HEATR5A: variants seen among roughly 807,000 people sequenced by gnomAD.
The protein encoded by HEATR5A is HEAT repeat-containing protein 5A.
HEATR5A carries 178 observed loss-of-function variants against 218.8 expected under a neutral mutation model. The ratio of observed to expected loss-of-function variants is 0.81; its 90% confidence interval spans 0.72 to 0.92. The LOEUF (loss-of-function observed/expected upper bound fraction) is 0.92, where lower values mean the gene tolerates loss of function less well. Ranked by LOEUF, HEATR5A falls within the 40% of genes least tolerant of loss-of-function variation. The pLI, the probability that HEATR5A is intolerant of heterozygous loss-of-function variation, is 0.00. For missense variants in HEATR5A, 2,420 were observed against 2,418.9 expected, an observed-to-expected ratio of 1.00 and a Z score of -0.01; for synonymous variants, 864 against 871.6, an observed-to-expected ratio of 0.99 and a Z score of 0.15.
chr14:31,414,213 T>TC (rs1296242398), intron 1 of HEATR5A, among the ~76,000 whole-genome samples: 1 of 152,154 alleles, frequency 6.6e-6, no homozygotes, highest in African/African-American at 2.4e-5. Flanking sequence ...TTCTTGTATC[T>TC]CCCACCACAC....
Position 31,308,956 on chromosome 14 carries a change from A to G in HEATR5A, c.4668T>C (p.Thr1556=). ...ATIKSPEDVY[T]DRFHLILGIS... Reference sequence around the variant, plus strand: ...GACCTAAAATAAGATGGAATCTATCAGTGTAGACATCCTCAGGGGACTTTA... The same window carrying G: ...GACCTAAAATAAGATGGAATCTATCGGTGTAGACATCCTCAGGGGACTTTA... Residue 1556 remains threonine (T), a synonymous_variant, in exon 29 of 36, where the codon ACT becomes ACC. Coordinates refer to ENST00000543095, the MANE Select transcript of HEATR5A (RefSeq NM_015473.4). 6.2e-7 allele frequency: 1 copy of G among 1,613,598 alleles called. No individual in the cohort carries two copies. The highest frequency in any genetic ancestry group is 8.5e-7 in the Non-Finnish European group (1 of 1,179,626).
At position 31,386,432 on chromosome 14, in the gene HEATR5A, C is replaced by G; in HGVS notation, c.1333G>C (p.Asp445His). The change falls in exon 9 of 36, where the codon GAT becomes CAT. Residue 445 changes from aspartate (D) to histidine (H), a missense_variant. Coordinates refer to ENST00000543095, the MANE Select transcript of HEATR5A (RefSeq NM_015473.4). The stretch of plus-strand genomic sequence containing the variant: ...CAAACAGATATACCTGTACTTGAAT[C>G]CTGTAGCAAAGGTGCCGCTGTGGTG... ...LGTTAAPLLQ[D>H]SSTGLLDSIL... 6.2e-7 allele frequency: 1 copy of G among 1,613,546 alleles called. No individual in the cohort carries two copies. Among genetic ancestry groups the G allele is most frequent in the Non-Finnish European group, 8.5e-7 (1 of 1,179,672 alleles).
intron 1 of HEATR5A, among the ~76,000 whole-genome samples, chr14:31,411,140 T>A (rs1183950337): frequency 6.6e-6 from 1 of 152,070 alleles, no homozygotes; most frequent in Non-Finnish European, 1.5e-5. Flanking sequence ...ATGGTTCAAC[T>A]CTTTTAGAAA....
chr14:31,318,542 G>A (rs1041840334), intron 25 of HEATR5A, among the ~76,000 whole-genome samples: 1 of 152,142 alleles, frequency 6.6e-6, no homozygotes, highest in Non-Finnish European at 1.5e-5. Context: ...GCAGGCTGGA[G>A]TGCAGTGGCG....
intron 25 of HEATR5A, among the ~76,000 whole-genome samples, chr14:31,319,111 T>G (rs1447248740): frequency 1.3e-5 from 2 of 152,188 alleles, no homozygotes; most frequent in African/African-American, 4.8e-5. Flanking sequence ...GAACTCCTCT[T>G]AATTAAGTTG....
In HEATR5A at chr14:31,400,398, T is replaced by C. The variant is rs994034571; in HGVS notation, c.241A>G (p.Ser81Gly). Reference protein sequence around the residue: ...LLAKNLAILYSIGDTFSVHEA... With the variant: ...LLAKNLAILYGIGDTFSVHEA... Reference sequence around the variant, plus strand: ...TGAACGGAGAATGTGTCTCCAATACTATAAAGTATGGCTAGATTCTTAGCA... The same window carrying C: ...TGAACGGAGAATGTGTCTCCAATACCATAAAGTATGGCTAGATTCTTAGCA... The change falls in exon 3 of 36, where the codon AGT becomes GGT. Residue 81 changes from serine (S) to glycine (G), a missense_variant. Coordinates refer to ENST00000543095, the MANE Select transcript of HEATR5A (RefSeq NM_015473.4). 7.2e-6 allele frequency: 11 copies of C among 1,535,766 alleles called. No homozygotes were observed. In the Admixed American group the frequency reaches 1.6e-4, roughly 22 times the overall value.
At chr14:31,372,222 G>C (rs903606952) in intron 12 of HEATR5A, among the ~76,000 whole-genome samples, 1 of 147,214 alleles carries the variant, frequency 6.8e-6, no homozygotes, top group African/African-American at 2.5e-5. Flanking sequence ...AACCAGCTTA[G>C]ACTCTCAAGT....
intron 14 of HEATR5A, among the ~76,000 whole-genome samples, chr14:31,360,577 A>G (rs1214191278): frequency 6.6e-6 from 1 of 152,224 alleles, no homozygotes; most frequent in East Asian, 1.9e-4. Flanking sequence ...TAGGTTATCA[A>G]AAAATCTTAT....
At chr14:31,418,005 G>A (rs938896512) in intron 1 of HEATR5A, among the ~76,000 whole-genome samples, 2 of 151,880 alleles carry the variant, frequency 1.3e-5, no homozygotes, top group South Asian at 2.1e-4. Context: ...ATCAGGAGTT[G>A]GAGACCAGCT....
At chr14:31,398,849 T>C in intron 3 of HEATR5A, 68 bp from the exon 4 acceptor site, 1 of 872,768 alleles carries the variant, frequency 1.1e-6, no homozygotes, top group Non-Finnish European at 1.8e-6. Context: ...TCTTAGGATA[T>C]GTAAGGATAA....
In HEATR5A at chr14:31,371,890, G is replaced by C. The variant is rs1185563376; in HGVS notation, c.1881C>G (p.Ser627=). Residue 627 remains serine, a synonymous_variant, in exon 13 of 36, where the codon TCC becomes TCG. Transcript: ENST00000543095. ...GALCAIKSFV[S]HCGDLLTEEV... is the part of the protein sequence containing the mutation. The stretch of plus-strand genomic sequence containing the variant: ...CCTCAGTAAGAAGATCACCACAGTG[G>C]GAAACAAAGCTCTTGATAGCTGAAA... 2 of 1,539,508 alleles carry C rather than the reference G, an allele frequency of 1.3e-6. No homozygotes were observed. The highest frequency in any genetic ancestry group is 1.8e-6 in the Non-Finnish European group (2 of 1,138,372).
intron 1 of HEATR5A, among the ~76,000 whole-genome samples, chr14:31,409,592 C>T (rs529094932): frequency 4.2e-4 from 64 of 152,120 alleles, no homozygotes; most frequent in African/African-American, 1.5e-3. Context: ...CCCAGCTGTT[C>T]GTGAGGCTGA....
At chr14:31,326,437 A>C in intron 22 of HEATR5A, 95 bp from the exon 23 acceptor site, 1 of 876,070 alleles carries the variant, frequency 1.1e-6, no homozygotes, top group Admixed American at 2.4e-5. Flanking sequence ...ATAGTAGATA[A>C]AAATACATCT....
In HEATR5A at chr14:31,308,933, C is replaced by T. The variant is rs750823229; in HGVS notation, c.4690+1G>A. The T allele has an allele frequency of 1.2e-6, 2 of 1,607,790 alleles. No individual in the cohort carries two copies. Among genetic ancestry groups the T allele is most frequent in the South Asian group, 2.2e-5 (2 of 90,690 alleles). On this transcript the variant is annotated splice_donor_variant, in intron 29 of 35. Coordinates refer to ENST00000543095, the MANE Select transcript of HEATR5A (RefSeq NM_015473.4). LOFTEE classifies it high-confidence loss of function. The stretch of plus-strand genomic sequence containing the variant: ...AAACTTGTAAAAGTGGTTTAACTGA[C>T]CTAAAATAAGATGGAATCTATCAGT...
Position 31,403,045 on chromosome 14 carries a change from A to G in HEATR5A, c.-70T>C. 1 of 1,355,256 alleles carries G rather than the reference A, an allele frequency of 7.4e-7. No homozygotes were observed. The highest frequency in any genetic ancestry group is 9.8e-7 in the Non-Finnish European group (1 of 1,017,332). The allele number at this position is 1,355,256 out of a possible 1,614,324, so 84.0% of individuals were successfully genotyped here. On this transcript the variant is annotated 5_prime_UTR_variant, in exon 2 of 36. Coordinates refer to ENST00000543095, the MANE Select transcript of HEATR5A (RefSeq NM_015473.4). ...ACTTTGGTCAATATACCTAACAATA[A>G]AAATCTGCAATACAGGAAAATAATG...
At chr14:31,294,874 C>T (rs964844696) in intron 34 of HEATR5A, among the ~76,000 whole-genome samples, 5 of 152,100 alleles carry the variant, frequency 3.3e-5, no homozygotes, top group Admixed American at 6.6e-5. Flanking sequence ...TTTCAAGGAA[C>T]GTCTGGACCA....
intron 6 of HEATR5A, among the ~76,000 whole-genome samples, chr14:31,393,051 A>G (rs186522240): frequency 9.8e-4 from 150 of 152,340 alleles, no homozygotes; most frequent in Middle Eastern, 3.4e-3. Context: ...AACTACAAGT[A>G]TCTAGAATTA....
At chr14:31,363,733 C>T (rs1901707324) in intron 14 of HEATR5A, among the ~76,000 whole-genome samples, 1 of 152,168 alleles carries the variant, frequency 6.6e-6, no homozygotes, top group Non-Finnish European at 1.5e-5. Context: ...ATAATCCCAG[C>T]ACTTTGGGAG....
chr14:31,370,768 T>C (rs1251558545), intron 13 of HEATR5A, among the ~76,000 whole-genome samples: 3 of 152,138 alleles, frequency 2.0e-5, no homozygotes, highest in South Asian at 2.1e-4. Context: ...ACTTAAAACA[T>C]AGGTAAAACT....
Sources: gnomAD v4.1 joint callset for allele counts (sites outside exome capture counted in the v4.1 genomes callset) on GRCh38, gnomAD v4.1.1 for gene constraint, MANE v1.5 for transcripts, NCBI Gene and HGNC (gene_info 2026-07-23, HGNC 2026-07-21) for gene names.